DNAH17: variants seen among roughly 807,000 people sequenced by gnomAD.
The protein encoded by DNAH17 is dynein axonemal heavy chain 17.
In DNAH17, 376 loss-of-function variants were observed where a neutral mutation model predicts 485.6. The observed-to-expected ratio is 0.77, with a 90% CI of 0.71 to 0.84. The LOEUF is 0.84. DNAH17 is among the 40% of genes least tolerant of loss of function. The probability of loss-of-function intolerance (pLI) is 0.00; values close to 1 mark genes in which losing one functional copy is unlikely to be tolerated. For missense variants in DNAH17, 6,370 were observed against 5,839.3 expected (o/e 1.09, Z -2.96); for synonymous variants, 3,031 against 2,405.9 (o/e 1.26, Z -7.60).
rs138390056 is a variant in DNAH17, at chr17:78,561,726, G to T, written c.1824C>A (p.His608Gln). The T allele has an allele frequency of 6.2e-7, 1 of 1,607,692 alleles. No individual in the cohort carries two copies. The highest frequency in any genetic ancestry group is 1.7e-5 in the Admixed American group (1 of 59,610). The change falls in exon 12 of 81, where the codon CAC becomes CAA. Residue 608 changes from histidine (H) to glutamine (Q), a missense_variant. Physicochemically the swap from His to Gln is conservative, Grantham distance 24. Transcript: ENST00000389840. Reference protein sequence around the residue: ...RLEVSMKHLKHVEHPVMSGAE... With the variant: ...RLEVSMKHLKQVEHPVMSGAE... ...GGGCTGTGACTCACGGGTGTTCGAC[G>T]TGCTTCAGGTGTTTCATGGACACCT...
rs767793068 is a variant in DNAH17 at position 78,425,338 on chromosome 17, C to A, written c.13141+8G>T. The A allele has an allele frequency of 1.7e-5, 27 of 1,612,834 alleles. No individual in the cohort carries two copies. Among genetic ancestry groups the A allele is most frequent in the Non-Finnish European group, 2.3e-5 (27 of 1,179,048 alleles). ...AAGCTTCTGCAGACAGACAAGAGCC[C>A]TCCTTACCTTCCATGAAGAGTCCGT... On this transcript the variant is annotated splice_region_variant and intron_variant, in intron 80 of 80. Coordinates refer to ENST00000389840, the MANE Select transcript of DNAH17 (RefSeq NM_173628.4).
chr17:78,476,314 G>A (rs1255679485), intron 52 of DNAH17, among the ~76,000 whole-genome samples: 1 of 91,048 alleles, frequency 1.1e-5, no homozygotes, highest in Non-Finnish European at 2.2e-5. Context: ...GAATTATCAC[G>A]TGGAACCCTC....
intron 55 of DNAH17, 116 bp from the exon 56 acceptor site, chr17:78,466,932 C>T: frequency 8.6e-7 from 1 of 1,164,160 alleles, no homozygotes; most frequent in Non-Finnish European, 1.2e-6. Flanking sequence ...CTCAGCCGCC[C>T]AGGGCCTGGG....
chr17:78,456,430 G>A (rs1281725353), intron 62 of DNAH17, among the ~76,000 whole-genome samples: 2 of 152,180 alleles, frequency 1.3e-5, no homozygotes, highest in Admixed American at 6.5e-5. Context: ...GGCTATGGCT[G>A]ATGCCATTTG....
intron 42 of DNAH17, 139 bp from the exon 43 acceptor site, chr17:78,491,709 A>G: frequency 1.5e-6 from 2 of 1,352,532 alleles, no homozygotes; most frequent in Admixed American, 2.6e-5. Context: ...CTCGGGCATG[A>G]GGTGCCCAGG....
intron 33 of DNAH17, 140 bp downstream of exon 33, chr17:78,502,451 G>C (rs759941690): frequency 1.3e-6 from 1 of 763,606 alleles, no homozygotes; most frequent in African/African-American, 1.8e-5. Context: ...CTGTGGAAAC[G>C]ACGGTTTTGC....
At chr17:78,544,211 C>T (rs1306310320) in intron 16 of DNAH17, among the ~76,000 whole-genome samples, 1 of 152,148 alleles carries the variant, frequency 6.6e-6, no homozygotes, top group Non-Finnish European at 1.5e-5. Flanking sequence ...AGCTCAAAAC[C>T]AAAACCAGGG....
intron 17 of DNAH17, among the ~76,000 whole-genome samples, chr17:78,542,623 G>A (rs372570200): frequency 7.9e-5 from 12 of 152,208 alleles, no homozygotes; most frequent in Non-Finnish European, 1.2e-4. Context: ...ACCCAGGAAT[G>A]CCAGTCTACT....
chr17:78,508,949 G>A (rs1399289202), intron 27 of DNAH17, among the ~76,000 whole-genome samples: 2 of 148,636 alleles, frequency 1.3e-5, no homozygotes, highest in African/African-American at 5.0e-5. Context: ...CTACAGGTGT[G>A]TGTCATCATG....
chr17:78,525,457 C>T (rs774192575), intron 24 of DNAH17, among the ~76,000 whole-genome samples: 4 of 152,240 alleles, frequency 2.6e-5, no homozygotes, highest in Non-Finnish European at 5.9e-5. Context: ...GATTTCCCAG[C>T]ATTTCTTCAA....
chr17:78,449,956 A>G, intron 68 of DNAH17: 1 of 485,250 alleles, frequency 2.1e-6, no homozygotes, highest in Non-Finnish European at 3.7e-6. Context: ...GATGACAGGC[A>G]TGAGCCACCA....
At chr17:78,492,552 C>G in intron 42 of DNAH17, 81 bp downstream of exon 42, 1 of 1,563,950 alleles carries the variant, frequency 6.4e-7, no homozygotes, top group East Asian at 2.3e-5. Flanking sequence ...GCTGGCCTTC[C>G]ACGTGGGAAC....
chr17:78,446,658 T>C (rs925151311), intron 69 of DNAH17, among the ~76,000 whole-genome samples: 2 of 152,206 alleles, frequency 1.3e-5, no homozygotes, highest in Admixed American at 6.5e-5. Flanking sequence ...TTATTTATTT[T>C]TTTGAGACAG....
At chr17:78,468,554 T>A in intron 55 of DNAH17, 63 bp downstream of exon 55, 1 of 1,545,346 alleles carries the variant, frequency 6.5e-7, no homozygotes, top group South Asian at 1.2e-5. Context: ...CAAAAACCCA[T>A]ACCCTGTAGG....
intron 17 of DNAH17, chr17:78,543,630 G>T: frequency 1.6e-6 from 1 of 617,114 alleles, no homozygotes; most frequent in Non-Finnish European, 2.8e-6. Flanking sequence ...TCACCACGTT[G>T]GTCAAGCTGG....
chr17:78,552,823 C>T lies in DNAH17; in HGVS notation c.2179-18G>A. On this transcript the variant is annotated intron_variant, in intron 14 of 80. Coordinates refer to ENST00000389840, the MANE Select transcript of DNAH17 (RefSeq NM_173628.4). ...GTCTTTATCTGAAAAACAGAGGTGACAGGTTTTGTTCCGAGTCCAACCAGA... is the reference window on the plus strand; with the variant it reads ...GTCTTTATCTGAAAAACAGAGGTGATAGGTTTTGTTCCGAGTCCAACCAGA... 1 of 1,572,680 alleles carries T rather than the reference C, an allele frequency of 6.4e-7. No homozygotes were observed. Among genetic ancestry groups the T allele is most frequent in the South Asian group, 1.1e-5 (1 of 90,198 alleles).
intron 22 of DNAH17, among the ~76,000 whole-genome samples, chr17:78,528,873 C>T (rs549227791): frequency 1.3e-5 from 2 of 152,152 alleles, no homozygotes; most frequent in South Asian, 2.1e-4. Context: ...GTTCTCTCTC[C>T]ACCATCCTGG....
At chr17:78,575,343 A>C (rs2092418457) in intron 1 of DNAH17, among the ~76,000 whole-genome samples, 1 of 152,160 alleles carries the variant, frequency 6.6e-6, no homozygotes, top group Non-Finnish European at 1.5e-5. Flanking sequence ...TGTGACCATA[A>C]AGTTCAGAGG....
rs765755095 is a variant in DNAH17, at chr17:78,561,770, C to G, written c.1780G>C (p.Glu594Gln). ...PVAGQLKWSL[E>Q]LQERLEVSMK... Reference sequence around the variant, plus strand: ...GACACCTCTAGCCTCTCCTGCAGCTCCAGGCTCCATTTGAGCTGCCCGGCC... The same window carrying G: ...GACACCTCTAGCCTCTCCTGCAGCTGCAGGCTCCATTTGAGCTGCCCGGCC... The change falls in exon 12 of 81, where the codon GAG becomes CAG. Residue 594 changes from glutamate to glutamine, a missense_variant. Physicochemically the swap from Glu to Gln is conservative, Grantham distance 29 (BLOSUM62 2). Transcript: ENST00000389840. 1.2e-6 allele frequency: 2 copies of G among 1,613,280 alleles called. No homozygotes were observed. The highest frequency in any genetic ancestry group is 2.2e-5 in the South Asian group (2 of 90,914).
Sources: allele counts gnomAD v4.1 joint callset (sites outside exome capture counted in the v4.1 genomes callset), GRCh38; gene constraint gnomAD v4.1.1; transcripts MANE v1.5; gene names NCBI Gene and HGNC (gene_info 2026-07-23, HGNC 2026-07-21).